NPAS2: variants seen among roughly 807,000 people sequenced by gnomAD.
NPAS2 encodes the protein neuronal PAS domain protein 2, also known as neuronal PAS domain-containing protein 2.
Under a neutral mutation model 107.5 loss-of-function variants are expected in NPAS2, and 23 were observed. That is an observed-to-expected ratio of 0.21 (90% CI 0.15 to 0.30). The LOEUF (loss-of-function observed/expected upper bound fraction) is 0.30, where lower values mean the gene tolerates loss of function less well. Among genes scored for constraint, NPAS2 ranks in the 10% least tolerant of loss-of-function variants. The pLI is 1.00. For missense variants in NPAS2, 756 were observed against 1,043.3 expected (o/e 0.72, Z 3.79); for synonymous variants, 403 against 417.5 (o/e 0.97, Z 0.42).
At chr2:100,847,954 A>C (rs1677888467) in intron 1 of NPAS2, among the ~76,000 whole-genome samples, 1 of 152,214 alleles carries the variant, frequency 6.6e-6, no homozygotes, top group South Asian at 2.1e-4. Context: ...AGATAAAGAC[A>C]CTGTGAATAT....
In NPAS2 at chr2:100,868,582, C is replaced by T. The variant is rs190765993; in HGVS notation, c.-22-36151C>T. On this transcript the variant is annotated intron_variant, in intron 1 of 20. Transcript: ENST00000335681. ...TTGAATATTTCCTAGACCCCATTCCCTCGAATATCTCTTGCTAGAACTTGA... is the reference window on the plus strand; with the variant it reads ...TTGAATATTTCCTAGACCCCATTCCTTCGAATATCTCTTGCTAGAACTTGA... 1.6e-3 allele frequency among the ~76,000 whole-genome samples: 250 copies of T among 152,270 alleles called. 1 individual carries two copies. The highest frequency in any genetic ancestry group is 3.1e-3 in the Non-Finnish European group (210 of 68,020).
chr2:100,948,384 C>T (rs1325046553), intron 6 of NPAS2, 29 bp downstream of exon 6: 2 of 1,570,452 alleles, frequency 1.3e-6, no homozygotes, highest in African/African-American at 2.8e-5. Flanking sequence ...GTTTTACAAG[C>T]TAGAAAGATA....
At chr2:100,896,240 A>G (rs1281745367) in intron 1 of NPAS2, among the ~76,000 whole-genome samples, 1 of 152,176 alleles carries the variant, frequency 6.6e-6, no homozygotes, top group Admixed American at 6.5e-5. Context: ...ATGAGGTTTA[A>G]GGGGCCTACT....
intron 1 of NPAS2, among the ~76,000 whole-genome samples, chr2:100,875,811 G>A (rs944290796): frequency 6.6e-6 from 1 of 152,166 alleles, no homozygotes; most frequent in African/African-American, 2.4e-5. Context: ...CTTTCCCAGG[G>A]TTATTTTTCC....
chr2:100,834,754 A>T (rs529206497), intron 1 of NPAS2, among the ~76,000 whole-genome samples: 2 of 151,732 alleles, frequency 1.3e-5, no homozygotes, highest in African/African-American at 4.8e-5. Context: ...GAGTGCAGTG[A>T]TGTGATATTG....
At chr2:100,849,211 TCTC>T (rs1294776870) in intron 1 of NPAS2, among the ~76,000 whole-genome samples, 2 of 152,172 alleles carry the variant, frequency 1.3e-5, no homozygotes, top group Non-Finnish European at 2.9e-5. Flanking sequence ...AGCTCTCTCT[TCTC>T]TGGTTTAGGG....
chr2:100,947,809 C>G (rs767823678), intron 5 of NPAS2, among the ~76,000 whole-genome samples: 2 of 152,238 alleles, frequency 1.3e-5, no homozygotes, highest in Admixed American at 6.5e-5. Context: ...AGACTGGCAG[C>G]CCTTTGCTGC....
Position 100,879,099 on chromosome 2 carries a change from C to T in NPAS2, c.-22-25634C>T, listed in dbSNP as rs1312665751. Among the ~76,000 whole-genome samples, 4 of 146,318 alleles carry T rather than the reference C, an allele frequency of 2.7e-5. No individual in the cohort carries two copies. The South Asian group carries it at 6.5e-4, about 24-fold the overall frequency. On this transcript the variant is annotated intron_variant, in intron 1 of 20. Coordinates refer to ENST00000335681, the MANE Select transcript of NPAS2 (RefSeq NM_002518.4). The stretch of plus-strand genomic sequence containing the variant: ...CTGTGTTCCAGCCTGGGCGACAGAG[C>T]GAGACTCTGTCTCAAAAAAAAAGAA...
At chr2:100,849,616 C>T (rs565272016) in intron 1 of NPAS2, among the ~76,000 whole-genome samples, 1 of 152,272 alleles carries the variant, frequency 6.6e-6, no homozygotes, top group East Asian at 1.9e-4. Flanking sequence ...TACAAAAAGC[C>T]ATAATGTATT....
At chr2:100,832,980 GCGATGT>G (rs1254554727) in intron 1 of NPAS2, among the ~76,000 whole-genome samples, 1 of 152,148 alleles carries the variant, frequency 6.6e-6, no homozygotes, top group Non-Finnish European at 1.5e-5. Flanking sequence ...CTTCCCTGAG[GCGATGT>G]CTGTGTTTTC....
chr2:100,837,370 G>A (rs757286733), intron 1 of NPAS2, among the ~76,000 whole-genome samples: 38 of 152,146 alleles, frequency 2.5e-4, no homozygotes, highest in Non-Finnish European at 4.4e-4. Context: ...ATGCAATGGT[G>A]CGATCTTGGC....
intron 1 of NPAS2, among the ~76,000 whole-genome samples, chr2:100,844,473 G>A (rs749870209): frequency 1.3e-5 from 2 of 152,314 alleles, no homozygotes; most frequent in Non-Finnish European, 2.9e-5. Context: ...TGGTACCGAG[G>A]AGGAGGGGCC....
chr2:100,852,313 C>T (rs1003014508), intron 1 of NPAS2, among the ~76,000 whole-genome samples: 8 of 152,086 alleles, frequency 5.3e-5, no homozygotes, highest in South Asian at 2.1e-4. Flanking sequence ...AGGAGAATGG[C>T]GTGAACCCGG....
chr2:100,907,198 C>T (rs547257165), intron 2 of NPAS2, among the ~76,000 whole-genome samples: 7 of 152,226 alleles, frequency 4.6e-5, no homozygotes, highest in Middle Eastern at 3.4e-3. Context: ...CTCTACCATA[C>T]GCAGAAATCA....
chr2:100,896,223 C>T (rs527868960), intron 1 of NPAS2, among the ~76,000 whole-genome samples: 3 of 152,100 alleles, frequency 2.0e-5, no homozygotes, highest in East Asian at 1.9e-4. Flanking sequence ...ATGAGGGGAA[C>T]GGGCTCATGA....
chr2:100,892,759 G>A (rs771377596), intron 1 of NPAS2, among the ~76,000 whole-genome samples: 1 of 151,952 alleles, frequency 6.6e-6, no homozygotes, highest in Admixed American at 6.6e-5. Flanking sequence ...TCGCTCTGTC[G>A]CCCAGGCTGG....
rs551395271 is a variant in NPAS2 at position 100,855,918 on chromosome 2, G to A, written c.-23+35504G>A. Among the ~76,000 whole-genome samples the A allele has an allele frequency of 5.9e-5, 9 of 152,302 alleles. No homozygotes were observed. In the South Asian group the frequency reaches 1.9e-3, roughly 32 times the overall value. On this transcript the variant is annotated intron_variant, in intron 1 of 20. Transcript: ENST00000335681. ...TCTCAGCCCACTCAGCTTGAATGGGGAAGGTTAAGGTAAGGGTTGGAGTCC... is the reference window on the plus strand; with the variant it reads ...TCTCAGCCCACTCAGCTTGAATGGGAAAGGTTAAGGTAAGGGTTGGAGTCC...
intron 7 of NPAS2, among the ~76,000 whole-genome samples, chr2:100,955,331 T>A (rs1397042167): frequency 1.3e-5 from 2 of 152,176 alleles, no homozygotes; most frequent in African/African-American, 4.8e-5. Context: ...CAGCGACCCT[T>A]ACTGTACCCG....
chr2:100,995,392 T>A lies in NPAS2; in HGVS notation c.2293-8T>A. 1.2e-6 allele frequency: 2 copies of A among 1,607,574 alleles called. No individual in the cohort carries two copies. Among genetic ancestry groups the A allele is most frequent in the Non-Finnish European group, 1.7e-6 (2 of 1,176,326 alleles). On this transcript the variant is annotated splice_polypyrimidine_tract_variant and splice_region_variant and intron_variant, in intron 20 of 20. Coordinates refer to ENST00000335681, the MANE Select transcript of NPAS2 (RefSeq NM_002518.4). ...CACCTCTGAAGCCCTTTGTTCTTTT[T>A]TTTCTAGGTACAGGCACCAACCTCT...
Sources: gnomAD v4.1 joint callset for allele counts (sites outside exome capture counted in the v4.1 genomes callset) on GRCh38, gnomAD v4.1.1 for gene constraint, MANE v1.5 for transcripts, NCBI Gene and HGNC (gene_info 2026-07-23, HGNC 2026-07-21) for gene names.